Variants in PVT1 observed in about 807,000 individuals in gnomAD.
The protein encoded by PVT1 is Pvt1 oncogene, also known as CXCR4/PVT1 fusion.
intron 3 of PVT1, among the ~76,000 whole-genome samples, chr8:127,967,365 C>T (rs867177449): frequency 2.0e-5 from 3 of 152,180 alleles, no homozygotes; most frequent in African/African-American, 7.2e-5. Flanking sequence ...ATTAGTCCCA[C>T]GAAGGCTGCG....
intron 5 of PVT1, among the ~76,000 whole-genome samples, chr8:128,093,784 C>T (rs189953647): frequency 1.2e-4 from 18 of 151,916 alleles, no homozygotes; most frequent in South Asian, 1.0e-3. Flanking sequence ...ATTACAGGTG[C>T]GCGCCACCAC....
intron 3 of PVT1, among the ~76,000 whole-genome samples, chr8:127,923,995 A>G (rs1350444348): frequency 6.6e-6 from 1 of 152,240 alleles, no homozygotes; most frequent in Non-Finnish European, 1.5e-5. Context: ...GAGACAAAAT[A>G]AGAGTTCCTG....
chr8:128,079,678 T>G (rs1323386596), intron 5 of PVT1, among the ~76,000 whole-genome samples: 1 of 152,216 alleles, frequency 6.6e-6, no homozygotes, highest in African/African-American at 2.4e-5. Context: ...TAGTTTTGTT[T>G]TTTTCAGAAT....
intron 4 of PVT1, among the ~76,000 whole-genome samples, chr8:128,001,374 A>G (rs1416692696): frequency 6.6e-6 from 1 of 150,420 alleles, no homozygotes; most frequent in African/African-American, 2.4e-5. Context: ...ACCTTGTCAA[A>G]ATAAACCAGG....
intron 3 of PVT1, among the ~76,000 whole-genome samples, chr8:127,925,963 G>A (rs1443952568): frequency 6.6e-6 from 1 of 152,182 alleles, no homozygotes; most frequent in Non-Finnish European, 1.5e-5. Flanking sequence ...TTTTTGGGGT[G>A]TAAGAATGGG....
At chr8:127,993,119 G>T (rs532599828) in intron 4 of PVT1, among the ~76,000 whole-genome samples, 1 of 152,218 alleles carries the variant, frequency 6.6e-6, no homozygotes, top group Non-Finnish European at 1.5e-5. Flanking sequence ...CATTGCAATT[G>T]CCCTGGAGTT....
At chr8:127,881,986 C>A (rs1391961136) in intron 2 of PVT1, among the ~76,000 whole-genome samples, 24 of 152,164 alleles carry the variant, frequency 1.6e-4, no homozygotes, top group Non-Finnish European at 2.5e-4. Flanking sequence ...GTGATCTGCC[C>A]GCCTCCACCT....
At chr8:128,036,927 A>G (rs567895152) in intron 4 of PVT1, among the ~76,000 whole-genome samples, 10 of 152,312 alleles carry the variant, frequency 6.6e-5, no homozygotes, top group Admixed American at 1.3e-4. Flanking sequence ...CCTCTGCTGC[A>G]TTGAGGATGC....
At chr8:128,011,890 G>A (rs187365725) in intron 4 of PVT1, among the ~76,000 whole-genome samples, 213 of 152,232 alleles carry the variant, frequency 1.4e-3, no homozygotes, top group African/African-American at 4.9e-3. Context: ...TCTGACAGTG[G>A]TTGGGATCTC....
intron 2 of PVT1, among the ~76,000 whole-genome samples, chr8:127,847,965 G>C (rs1369932341): frequency 2.0e-5 from 3 of 152,076 alleles, no homozygotes; most frequent in Non-Finnish European, 2.9e-5. Context: ...GTGCAGTGGT[G>C]TGATCATAGC....
intron 2 of PVT1, among the ~76,000 whole-genome samples, chr8:127,808,916 G>T (rs751899448): frequency 3.3e-5 from 5 of 150,458 alleles, no homozygotes; most frequent in Non-Finnish European, 5.9e-5. Context: ...TGTAATCCGA[G>T]CTACTTGGGA....
chr8:127,863,184 T>C (rs2129754883), intron 2 of PVT1, among the ~76,000 whole-genome samples: 1 of 152,238 alleles, frequency 6.6e-6, no homozygotes, highest in East Asian at 1.9e-4. Context: ...TGATCTCGGC[T>C]CACTGCAACC....
intron 2 of PVT1, among the ~76,000 whole-genome samples, chr8:127,826,446 G>T (rs1184093527): frequency 1.3e-5 from 2 of 152,136 alleles, no homozygotes; most frequent in Non-Finnish European, 2.9e-5. Flanking sequence ...CTTCAGGCTG[G>T]TTGTATATGG....
intron 4 of PVT1, among the ~76,000 whole-genome samples, chr8:128,067,597 C>T (rs1194098132): frequency 6.6e-6 from 1 of 152,132 alleles, no homozygotes; most frequent in African/African-American, 2.4e-5. Flanking sequence ...GGGAGGCTTC[C>T]TGGGGGAAAG....
intron 2 of PVT1, among the ~76,000 whole-genome samples, chr8:127,811,510 C>T (rs1448040077): frequency 6.6e-6 from 1 of 152,192 alleles, no homozygotes; most frequent in Non-Finnish European, 1.5e-5. Flanking sequence ...TGGTTATTGA[C>T]TTGAATGCTA....
intron 3 of PVT1, among the ~76,000 whole-genome samples, chr8:127,938,111 G>A (rs1816301538): frequency 6.6e-6 from 1 of 152,072 alleles, no homozygotes; most frequent in African/African-American, 2.4e-5. Flanking sequence ...AAGGAGCATA[G>A]CCATCTGGAG....
intron 4 of PVT1, among the ~76,000 whole-genome samples, chr8:127,992,581 G>T (rs1024013148): frequency 6.6e-5 from 10 of 152,162 alleles, no homozygotes; most frequent in African/African-American, 2.4e-4. Context: ...GAAGCCACTT[G>T]GTCTGGTTGT....
chr8:127,920,140 A>G (rs2129863863), intron 3 of PVT1, among the ~76,000 whole-genome samples: 1 of 152,344 alleles, frequency 6.6e-6, no homozygotes, highest in Middle Eastern at 3.4e-3. Context: ...ACATAAAAAT[A>G]TGCATGAATA....
chr8:127,854,040 C>A (rs538066076), intron 2 of PVT1, among the ~76,000 whole-genome samples: 1 of 152,334 alleles, frequency 6.6e-6, no homozygotes, highest in Non-Finnish European at 1.5e-5. Context: ...GGCAAGGAGG[C>A]CTGCTGGTAT....
Sources: allele counts gnomAD v4.1 joint callset (sites outside exome capture counted in the v4.1 genomes callset), GRCh38; gene constraint gnomAD v4.1.1; transcripts MANE v1.5; gene names NCBI Gene and HGNC (gene_info 2026-07-23, HGNC 2026-07-21).